The following NRIP1 variants were observed in gnomAD, a reference collection of about 807,000 sequenced individuals.
NRIP1 encodes the protein nuclear receptor interacting protein 1.
A neutral mutation model predicts 75.0 loss-of-function variants in NRIP1; 28 were observed. The observed-to-expected ratio is 0.37, with a 90% confidence interval of 0.28 to 0.51. The LOEUF (loss-of-function observed/expected upper bound fraction) is 0.51. Among genes scored for constraint, NRIP1 ranks in the 20% least tolerant of loss-of-function variants. The pLI, the probability that NRIP1 is intolerant of heterozygous loss-of-function variation, is 0.92. For missense variants in NRIP1, 1,435 were observed against 1,343.7 expected, an observed-to-expected ratio of 1.07 and a Z score of -1.06; for synonymous variants, 526 against 487.6, an observed-to-expected ratio of 1.08 and a Z score of -1.04.
intron 3 of NRIP1, among the ~76,000 whole-genome samples, chr21:14,979,526 A>G (rs761006053): frequency 6.6e-6 from 1 of 152,230 alleles, no homozygotes; most frequent in Non-Finnish European, 1.5e-5. Context: ...TAGGGTTTTT[A>G]GTACACTTAG....
intron 2 of NRIP1, among the ~76,000 whole-genome samples, chr21:15,041,712 T>A (rs1375546826): frequency 6.6e-6 from 1 of 152,188 alleles, no homozygotes; most frequent in Non-Finnish European, 1.5e-5. Flanking sequence ...TGATAATTCA[T>A]ATTAGCATTA....
intron 3 of NRIP1, among the ~76,000 whole-genome samples, chr21:14,970,233 A>G (rs991771831): frequency 6.6e-6 from 1 of 152,150 alleles, no homozygotes; most frequent in Non-Finnish European, 1.5e-5. Context: ...GAGGAAACCC[A>G]GTTTTCTAAT....
rs563140177 is a variant in NRIP1, at chr21:14,992,627, C to T, written c.-335+21717G>A. On this transcript the variant is annotated intron_variant, in intron 3 of 3. Coordinates refer to ENST00000318948, the MANE Select transcript of NRIP1 (RefSeq NM_003489.4). ...AAGATGTCCTCCCGCTCACTGCCCC[C>T]CAGAAATACGTATACTGTAGGAATA... 4 of 151,984 alleles carry T rather than the reference C, an allele frequency of 2.6e-5. No homozygotes were observed. The South Asian group carries it at 8.3e-4, about 32-fold the overall frequency. 9.4% of individuals were successfully genotyped at this position (151,984 alleles called of 1,614,324 possible). A position where few individuals can be genotyped will look rare whatever the true frequency, so the allele number is the denominator to read the frequency against.
chr21:14,965,129 C>T lies in NRIP1; in HGVS notation c.3064G>A (p.Gly1022Arg). The T allele has an allele frequency of 6.2e-7, 1 of 1,613,010 alleles. No homozygotes were observed. Among genetic ancestry groups the T allele is most frequent in the Non-Finnish European group, 8.5e-7 (1 of 1,179,902 alleles). The change falls in exon 4 of 4, where the codon GGG becomes AGG. Residue 1022 changes from glycine to arginine, a missense_variant. Transcript: ENST00000318948. ...AAAAGCCCAGATTCTGGTCTAGACC[C>T]TGCACAGCCCAAGTGCTCAGGGAAA... ...PTFPEHLGCA[G>R]SRPESGLLNG...
At chr21:15,013,029 T>G (rs1336928302) in intron 3 of NRIP1, among the ~76,000 whole-genome samples, 1 of 152,160 alleles carries the variant, frequency 6.6e-6, no homozygotes, top group Non-Finnish European at 1.5e-5. Flanking sequence ...GAAATGGGGT[T>G]CAATATCAAC....
rs776862821 is a variant in NRIP1 at position 14,964,817 on chromosome 21, T to A, written c.3376A>T (p.Asn1126Tyr). ...GAAGCATTATTTCCCATATGGCTAT[T>A]GTAAGGGCTTCTTAAATTAAAGAAA... ...ASFFNLRSPY[N>Y]SHMGNNASRP... Residue 1126 changes from asparagine to tyrosine, a missense_variant, in exon 4 of 4, where the codon AAT becomes TAT. By Grantham distance (143) the Asn-to-Tyr change is moderately radical (BLOSUM62 -2). Coordinates refer to ENST00000318948, the MANE Select transcript of NRIP1 (RefSeq NM_003489.4). 1.2e-6 allele frequency: 2 copies of A among 1,613,256 alleles called. No individual in the cohort carries two copies. The highest frequency in any genetic ancestry group is 3.3e-5 in the Admixed American group (2 of 59,848).
intron 3 of NRIP1, among the ~76,000 whole-genome samples, chr21:14,970,043 TAATAA>T (rs533670381): frequency 4.6e-5 from 7 of 152,220 alleles, no homozygotes; most frequent in African/African-American, 7.2e-5. Context: ...TTTCATTTAC[TAATAA>T]AACCCTGACT....
chr21:14,987,659 T>C (rs1304821401), intron 3 of NRIP1, among the ~76,000 whole-genome samples: 2 of 152,188 alleles, frequency 1.3e-5, no homozygotes, highest in Admixed American at 6.5e-5. Context: ...TGGGAGCTCT[T>C]GTCACTGACC....
In NRIP1 at chr21:14,966,789, T is replaced by C. The variant is rs755831404; in HGVS notation, c.1404A>G (p.Leu468=). 3 of 1,614,148 alleles carry C rather than the reference T, an allele frequency of 1.9e-6. No individual in the cohort carries two copies. Among genetic ancestry groups the C allele is most frequent in the South Asian group, 2.2e-5 (2 of 91,086 alleles). ...CTGGGACTTTTGGATCCCAAGTGTTTAGCAAGGATTGAGTGAAGTTATCCA... is the reference window on the plus strand; with the variant it reads ...CTGGGACTTTTGGATCCCAAGTGTTCAGCAAGGATTGAGTGAAGTTATCCA... The part of the protein sequence containing the change: ...VSLDNFTQSL[L]NTWDPKVPDV... The change falls in exon 4 of 4, where the codon CTA becomes CTG. Residue 468 remains leucine (L), a synonymous_variant. Coordinates refer to ENST00000318948, the MANE Select transcript of NRIP1 (RefSeq NM_003489.4).
At chr21:15,046,533 G>C (rs1366702249) in intron 1 of NRIP1, among the ~76,000 whole-genome samples, 1 of 152,084 alleles carries the variant, frequency 6.6e-6, no homozygotes, top group Non-Finnish European at 1.5e-5. Context: ...TAATTCTTAA[G>C]GGGCTTAGGA....
chr21:15,025,348 G>A (rs1044436759), intron 2 of NRIP1, among the ~76,000 whole-genome samples: 1 of 152,102 alleles, frequency 6.6e-6, no homozygotes, highest in East Asian at 1.9e-4. Context: ...TGAAATTAGA[G>A]ATATCAGTAT....
chr21:15,029,833 T>A (rs952151928), intron 2 of NRIP1, among the ~76,000 whole-genome samples: 1 of 151,846 alleles, frequency 6.6e-6, no homozygotes, highest in South Asian at 2.1e-4. Context: ...AACAAATAAA[T>A]AAATAAATAA....
At chr21:14,993,453 G>T (rs111752694) in intron 3 of NRIP1, among the ~76,000 whole-genome samples, 22 of 152,184 alleles carry the variant, frequency 1.4e-4, no homozygotes, top group African/African-American at 5.1e-4. Context: ...GATACCATGA[G>T]CCTTAAAAAC....
chr21:15,049,454 T>C (rs2089157093), intron 1 of NRIP1, among the ~76,000 whole-genome samples: 1 of 152,084 alleles, frequency 6.6e-6, no homozygotes, highest in African/African-American at 2.4e-5. Context: ...AAGTTAACCC[T>C]ACAAATTATT....
At chr21:15,062,761 G>C (rs1978418036) in intron 1 of NRIP1, among the ~76,000 whole-genome samples, 1 of 152,164 alleles carries the variant, frequency 6.6e-6, no homozygotes, top group Non-Finnish European at 1.5e-5. Flanking sequence ...ACTCTAGGTG[G>C]TGGTATAGGT....
chr21:14,995,741 G>C (rs114198035), intron 3 of NRIP1, among the ~76,000 whole-genome samples: 1 of 151,878 alleles, frequency 6.6e-6, no homozygotes, highest in South Asian at 2.1e-4. Flanking sequence ...GACAACTGTT[G>C]TGATAACTGG....
chr21:15,030,857 C>CA (rs1314539827), intron 2 of NRIP1, among the ~76,000 whole-genome samples: 1 of 148,224 alleles, frequency 6.7e-6, no homozygotes, highest in Admixed American at 6.7e-5. Context: ...AGGATCACTA[C>CA]CTTCCCCTTC....
rs146121302 is a variant in NRIP1 at position 15,054,066 on chromosome 21, A to C, written c.-537-10492T>G. Among the ~76,000 whole-genome samples, 174 of 152,298 alleles carry C rather than the reference A, an allele frequency of 1.1e-3. 1 individual carries two copies. Among genetic ancestry groups the C allele is most frequent in the African/African-American group, 4.1e-3 (171 of 41,574 alleles). On this transcript the variant is annotated intron_variant, in intron 1 of 3. Transcript: ENST00000318948. ...AATGTAGTTGAATATGACTCTTAGAAAAGAGTCAGGAAATTCACCTTCAGT... is the reference window on the plus strand; with the variant it reads ...AATGTAGTTGAATATGACTCTTAGACAAGAGTCAGGAAATTCACCTTCAGT...
intron 1 of NRIP1, chr21:15,050,083 T>A (rs1436052468): frequency 1.3e-5 from 2 of 152,396 alleles, no homozygotes; most frequent in Non-Finnish European, 2.9e-5. Context: ...TTCCTATTGT[T>A]ATCTACATAT....
Sources: gnomAD v4.1 joint callset for allele counts (sites outside exome capture counted in the v4.1 genomes callset) on GRCh38, gnomAD v4.1.1 for gene constraint, MANE v1.5 for transcripts, NCBI Gene and HGNC (gene_info 2026-07-23, HGNC 2026-07-21) for gene names.